Variants in OIP5 observed in about 807,000 individuals in gnomAD.
The protein encoded by OIP5 is Opa interacting protein 5.
In OIP5, 24 loss-of-function variants were observed where a neutral mutation model predicts 20.3. The observed-to-expected ratio is 1.18, with a 90% CI of 0.86 to 1.66. The LOEUF (loss-of-function observed/expected upper bound fraction) is 1.66, where lower values mean the gene tolerates loss of function less well. Ranked by LOEUF, OIP5 falls within the 40% of genes most tolerant of loss-of-function variation. OIP5 has a pLI of 0.00. For synonymous variants in OIP5, 143 were observed against 121.3 expected (o/e 1.18, Z -1.17); for missense variants, 339 against 289.5 (o/e 1.17, Z -1.24).
intron 2 of OIP5, among the ~76,000 whole-genome samples, chr15:41,321,284 C>A (rs1226106277): frequency 1.3e-5 from 2 of 148,452 alleles, no homozygotes; most frequent in African/African-American, 2.5e-5. Flanking sequence ...CCAGCCGTCC[C>A]GTCCTGGAGG....
chr15:41,328,596 CAAT>C (rs2047877053), intron 2 of OIP5, among the ~76,000 whole-genome samples: 1 of 152,102 alleles, frequency 6.6e-6, no homozygotes, highest in African/African-American at 2.4e-5. Flanking sequence ...AGTAAGAGAA[CAAT>C]AAAATGTAGA....
intron 2 of OIP5, among the ~76,000 whole-genome samples, chr15:41,322,663 G>A (rs2047837663): frequency 6.6e-6 from 1 of 152,144 alleles, no homozygotes; most frequent in South Asian, 2.1e-4. Flanking sequence ...GCCCGGGCAT[G>A]ATGGCTCACG....
In OIP5 at chr15:41,319,573, A is replaced by G. The variant is rs150177157; in HGVS notation, c.512+85T>C. 28 of 1,426,900 alleles carry G rather than the reference A, an allele frequency of 2.0e-5. 1 individual carries two copies. The African/African-American group carries it at 4.1e-4, about 21-fold the overall frequency. 88.4% of individuals were successfully genotyped at this position (1,426,900 alleles called of 1,614,324 possible). A position where few individuals can be genotyped will look rare whatever the true frequency, so the allele number is the denominator to read the frequency against. ...TCAGCCTACTTTGTCTTTCCTGAAAAACCTTTTAAAATTTATTTGATGGAC... is the reference window on the plus strand; with the variant it reads ...TCAGCCTACTTTGTCTTTCCTGAAAGACCTTTTAAAATTTATTTGATGGAC... On this transcript the variant is annotated intron_variant, in intron 3 of 4. Coordinates refer to ENST00000220514, the MANE Select transcript of OIP5 (RefSeq NM_007280.2).
chr15:41,331,795 A>G (rs775408730), intron 2 of OIP5, 120 bp downstream of exon 2: 27 of 809,808 alleles, frequency 3.3e-5, no homozygotes, highest in Non-Finnish European at 4.7e-5. Flanking sequence ...TCAAGTTCAT[A>G]TAAGAGTCAA....
At chr15:41,324,589 A>G (rs2047850224) in intron 2 of OIP5, among the ~76,000 whole-genome samples, 2 of 152,060 alleles carry the variant, frequency 1.3e-5, no homozygotes, top group Non-Finnish European at 2.9e-5. Context: ...TCCCGGGTTC[A>G]AGCAATTCTC....
intron 1 of OIP5, 112 bp from the exon 2 acceptor site, chr15:41,332,093 C>A (rs2047929100): frequency 7.5e-7 from 1 of 1,338,250 alleles, no homozygotes; most frequent in Non-Finnish European, 1.1e-6. Flanking sequence ...CCCCGATTCC[C>A]TGCCCCATCC....
At chr15:41,314,629 C>T (rs1231044024) in intron 3 of OIP5, among the ~76,000 whole-genome samples, 1 of 150,974 alleles carries the variant, frequency 6.6e-6, no homozygotes, top group East Asian at 2.0e-4. Flanking sequence ...TAGCGAAACT[C>T]CATCTCTTTT....
chr15:41,316,996 T>G (rs1363757094), intron 3 of OIP5, among the ~76,000 whole-genome samples: 2 of 152,134 alleles, frequency 1.3e-5, no homozygotes, highest in East Asian at 3.8e-4. Context: ...TGTTTTTTAA[T>G]GGTCAAGGAA....
At position 41,332,548 on chromosome 15, in the gene OIP5, G is replaced by T. The variant is rs201356433; in HGVS notation, c.14C>A (p.Pro5Gln). 4 of 1,603,442 alleles carry T rather than the reference G, an allele frequency of 2.5e-6. No individual in the cohort carries two copies. Among genetic ancestry groups the T allele is most frequent in the East Asian group, 4.5e-5 (2 of 44,826 alleles). Residue 5 changes from proline to glutamine, a missense_variant, in exon 1 of 5, where the codon CCG becomes CAG. Transcript: ENST00000220514. ...TGCACAACGTGAGCGATGCCGCAGC[G>T]GCTGAGCCGCCATCTTCCCGCAGCC... The part of the protein sequence containing the change: MAAQ[P>Q]LRHRSRCATP...
intron 2 of OIP5, among the ~76,000 whole-genome samples, chr15:41,324,132 T>C (rs1287685023): frequency 2.6e-5 from 4 of 151,942 alleles, no homozygotes; most frequent in African/African-American, 4.8e-5. Flanking sequence ...CAGCTGGGAC[T>C]ATAGGTGTGC....
In OIP5 at chr15:41,319,771, G is replaced by T. The variant is rs1481582417; in HGVS notation, c.399C>A (p.Asn133Lys). Residue 133 changes from asparagine to lysine, a missense_variant, in exon 3 of 5, where the codon AAC becomes AAA. By Grantham distance (94) the Asn-to-Lys change is moderately conservative (BLOSUM62 0). Transcript: ENST00000220514. ...IEGSLKGSTY[N>K]LLFCGSCGIP... Reference sequence around the variant, plus strand: ...TCCCACAAGAACCACAGAATAAAAGGTTGTAAGTACTAGGGGTGGGGAAAA... The same window carrying T: ...TCCCACAAGAACCACAGAATAAAAGTTTGTAAGTACTAGGGGTGGGGAAAA... 1 of 1,611,784 alleles carries T rather than the reference G, an allele frequency of 6.2e-7. No homozygotes were observed.
chr15:41,330,592 A>G (rs1047242078), intron 2 of OIP5, among the ~76,000 whole-genome samples: 3 of 151,548 alleles, frequency 2.0e-5, no homozygotes, highest in African/African-American at 7.3e-5. Context: ...TTTAGTAGAG[A>G]CACGGTTTCA....
intron 4 of OIP5, among the ~76,000 whole-genome samples, chr15:41,312,819 G>A (rs905294140): frequency 6.6e-6 from 1 of 151,118 alleles, no homozygotes; most frequent in Non-Finnish European, 1.5e-5. Flanking sequence ...TAATAGAGAT[G>A]GGGTTTCACT....
At chr15:41,310,365 G>C (rs1180983365) in intron 4 of OIP5, among the ~76,000 whole-genome samples, 1 of 152,172 alleles carries the variant, frequency 6.6e-6, no homozygotes, top group Admixed American at 6.5e-5. Flanking sequence ...AGTGGCTCAC[G>C]CCTCTAACCC....
chr15:41,321,924 A>AAAT (rs1567026474), intron 2 of OIP5, among the ~76,000 whole-genome samples: 2,053 of 149,604 alleles, frequency 0.014, 42 homozygotes, highest in African/African-American at 0.048. Context: ...GATCAATAAA[A>AAAT]AAATAAATAA....
In OIP5 at chr15:41,331,909, A is replaced by T; in HGVS notation, c.389+6T>A. ...ACTAGAGACCAATGTAATTATCAAT[A>T]CGTACCTGCCTTTGAGTGAACCTTC... On this transcript the variant is annotated splice_donor_region_variant and intron_variant, in intron 2 of 4. Coordinates refer to ENST00000220514, the MANE Select transcript of OIP5 (RefSeq NM_007280.2). 6.2e-7 allele frequency: 1 copy of T among 1,612,566 alleles called. No homozygotes were observed.
intron 2 of OIP5, among the ~76,000 whole-genome samples, chr15:41,324,155 G>A (rs1567027059): frequency 2.0e-5 from 3 of 151,686 alleles, no homozygotes; most frequent in South Asian, 4.2e-4. Flanking sequence ...CACCACATCC[G>A]GCTAAATTTT....
At chr15:41,327,344 G>A (rs912302798) in intron 2 of OIP5, among the ~76,000 whole-genome samples, 1 of 151,800 alleles carries the variant, frequency 6.6e-6, no homozygotes, top group Non-Finnish European at 1.5e-5. Context: ...ACCACGCCCA[G>A]CAAATTTTTG....
At chr15:41,325,319 T>A (rs554269127) in intron 2 of OIP5, among the ~76,000 whole-genome samples, 67 of 151,998 alleles carry the variant, frequency 4.4e-4, no homozygotes, top group Non-Finnish European at 8.1e-4. Flanking sequence ...GGCAGGAGAA[T>A]GGTGTGAACC....
Sources: gnomAD v4.1 joint callset for allele counts (sites outside exome capture counted in the v4.1 genomes callset) on GRCh38, gnomAD v4.1.1 for gene constraint, MANE v1.5 for transcripts, NCBI Gene and HGNC (gene_info 2026-07-23, HGNC 2026-07-21) for gene names.